Variants in ERC2 observed in about 807,000 individuals in gnomAD.
ERC2 encodes the protein ELKS/RAB6-interacting/CAST family member 2, also known as ERC protein 2.
A neutral mutation model predicts 114.8 loss-of-function variants in ERC2; 42 were observed. The ratio of observed to expected loss-of-function variants is 0.37; its 90% CI spans 0.29 to 0.47. The LOEUF is 0.47. ERC2 is among the 20% of genes least tolerant of loss of function. The pLI is 0.99. For synonymous variants in ERC2, 454 were observed against 425.5 expected, an observed-to-expected ratio of 1.07 and a Z score of -0.82; for missense variants, 939 against 1,150.7, an observed-to-expected ratio of 0.82 and a Z score of 2.66.
intron 4 of ERC2, among the ~76,000 whole-genome samples, chr3:56,155,339 T>C (rs1185974441): frequency 6.7e-6 from 1 of 149,976 alleles, no homozygotes; most frequent in Non-Finnish European, 1.5e-5. Context: ...AAGATCTCTC[T>C]CTTATTTTCT....
intron 6 of ERC2, among the ~76,000 whole-genome samples, chr3:56,091,089 C>T (rs891862023): frequency 6.6e-6 from 1 of 151,966 alleles, no homozygotes; most frequent in African/African-American, 2.4e-5. Flanking sequence ...CTTTAAAATT[C>T]GCTCTGGGTG....
chr3:56,037,136 C>G (rs188540204), intron 7 of ERC2, among the ~76,000 whole-genome samples: 1 of 152,248 alleles, frequency 6.6e-6, no homozygotes, highest in Admixed American at 6.5e-5. Flanking sequence ...ACCCAGAGTG[C>G]CTATTCTCCT....
In ERC2 at chr3:55,570,098, G is replaced by A. The variant is rs144980984; in HGVS notation, c.*40-58822C>T. On this transcript the variant is annotated intron_variant, in intron 17 of 17. Transcript: ENST00000288221. ...TGGTCTTGAACTTTTGATCTCAAGT[G>A]ATCTGCCTGCCTCCGCCTCCCAAAG... Among the ~76,000 whole-genome samples the A allele has an allele frequency of 2.3e-3, 344 of 152,124 alleles. 1 individual carries two copies. The highest frequency in any genetic ancestry group is 8.2e-3 in the African/African-American group (340 of 41,488).
At chr3:56,285,807 T>A (rs2054660545) in intron 3 of ERC2, among the ~76,000 whole-genome samples, 1 of 152,242 alleles carries the variant, frequency 6.6e-6, no homozygotes, top group Non-Finnish European at 1.5e-5. Flanking sequence ...GCCACATTTT[T>A]TAAAGCACTA....
chr3:55,516,055 C>A (rs555941248), intron 17 of ERC2, among the ~76,000 whole-genome samples: 43 of 152,284 alleles, frequency 2.8e-4, no homozygotes, highest in African/African-American at 9.6e-4. Flanking sequence ...AACAGACACC[C>A]ATTCACGACG....
intron 3 of ERC2, among the ~76,000 whole-genome samples, chr3:56,202,629 T>C (rs1419756438): frequency 2.0e-5 from 3 of 152,020 alleles, no homozygotes; most frequent in Non-Finnish European, 2.9e-5. Context: ...TGTGAAATGA[T>C]TGTCACAAGG....
At chr3:55,534,409 A>G (rs954411259) in intron 17 of ERC2, among the ~76,000 whole-genome samples, 2 of 151,472 alleles carry the variant, frequency 1.3e-5, no homozygotes, top group Non-Finnish European at 2.9e-5. Flanking sequence ...AAAAAAAAAA[A>G]AAGGCCAGGC....
At chr3:56,032,921 A>AGAGAGAGAGAC (rs1560056350) in intron 7 of ERC2, among the ~76,000 whole-genome samples, 30 of 80,800 alleles carry the variant, frequency 3.7e-4, no homozygotes, top group Admixed American at 1.1e-3. Context: ...GAAAGAAAGA[A>AGAGAGAGAGAC]AGAAAGAAAG....
chr3:55,564,422 A>C (rs2107494589), intron 17 of ERC2, among the ~76,000 whole-genome samples: 1 of 152,288 alleles, frequency 6.6e-6, no homozygotes, highest in Admixed American at 6.5e-5. Flanking sequence ...TAATTTAACC[A>C]GTTGTGAAAC....
chr3:56,060,132 T>C (rs1254201313), intron 7 of ERC2, among the ~76,000 whole-genome samples: 1 of 152,240 alleles, frequency 6.6e-6, no homozygotes, highest in African/African-American at 2.4e-5. Flanking sequence ...ATGAGTTCTA[T>C]CTCTACTACA....
At chr3:55,733,303 T>G (rs1285143471) in intron 15 of ERC2, among the ~76,000 whole-genome samples, 1 of 152,060 alleles carries the variant, frequency 6.6e-6, no homozygotes, top group Non-Finnish European at 1.5e-5. Context: ...GAGGCCAGCG[T>G]TAGCAAGGCA....
At chr3:55,646,253 A>G (rs928087283) in intron 17 of ERC2, among the ~76,000 whole-genome samples, 1 of 152,220 alleles carries the variant, frequency 6.6e-6, no homozygotes, top group African/African-American at 2.4e-5. Flanking sequence ...CTGTTCACGC[A>G]TTCCTTTCTG....
At chr3:56,340,761 C>T (rs566068800) in intron 2 of ERC2, among the ~76,000 whole-genome samples, 2 of 152,272 alleles carry the variant, frequency 1.3e-5, no homozygotes, top group South Asian at 4.2e-4. Flanking sequence ...ACTCAACAGA[C>T]ATCTTCCTTT....
rs191364090 is a variant in ERC2 at position 56,309,901 on chromosome 3, T to C, written c.658-13466A>G. On this transcript the variant is annotated intron_variant, in intron 2 of 17. Transcript: ENST00000288221. ...GGGCAGGGAAAAGAAACGGGCATAA[T>C]GAACATAAATCTTTGATTATCAAAT... is the stretch of plus-strand genomic sequence containing the variant. Among the ~76,000 whole-genome samples, 311 of 152,286 alleles carry C rather than the reference T, an allele frequency of 2.0e-3. 5 individuals are homozygous for C. Among genetic ancestry groups the C allele is most frequent in the South Asian group, 5.6e-3 (27 of 4,830 alleles).
chr3:56,273,176 G>C (rs1193349748), intron 3 of ERC2, among the ~76,000 whole-genome samples: 4 of 151,992 alleles, frequency 2.6e-5, no homozygotes, highest in Non-Finnish European at 5.9e-5. Context: ...CTGTATTTGG[G>C]AAGTACGGCA....
chr3:55,608,263 C>T (rs530355276), intron 17 of ERC2, among the ~76,000 whole-genome samples: 1 of 152,274 alleles, frequency 6.6e-6, no homozygotes, highest in South Asian at 2.1e-4. Context: ...GCAGAGCAAG[C>T]GGCGTTTTTA....
rs77882239 is a variant in ERC2, at chr3:56,409,885, C to T, written c.657+24466G>A. On this transcript the variant is annotated intron_variant, in intron 2 of 17. Transcript: ENST00000288221. ...CTGTGCTGTGGGCTTTCCACGCTATCTCATGTAGTCTTCACTAGAAAGTGC... is the reference window on the plus strand; with the variant it reads ...CTGTGCTGTGGGCTTTCCACGCTATTTCATGTAGTCTTCACTAGAAAGTGC... 1.0e-2 allele frequency among the ~76,000 whole-genome samples: 1,520 copies of T among 152,318 alleles called. 20 individuals are homozygous for T. Among genetic ancestry groups the T allele is most frequent in the African/African-American group, 0.035 (1,449 of 41,560 alleles).
intron 3 of ERC2, among the ~76,000 whole-genome samples, chr3:56,229,729 A>C (rs1191682134): frequency 2.0e-5 from 3 of 152,282 alleles, no homozygotes; most frequent in East Asian, 1.9e-4. Context: ...ATAATAAATG[A>C]AAAATGAGAG....
chr3:55,763,987 C>T (rs2067611192), intron 14 of ERC2, among the ~76,000 whole-genome samples: 1 of 152,212 alleles, frequency 6.6e-6, no homozygotes, highest in Non-Finnish European at 1.5e-5. Flanking sequence ...CACTAACTCT[C>T]ATGCAGACCT....
Sources: allele counts gnomAD v4.1 joint callset (sites outside exome capture counted in the v4.1 genomes callset), GRCh38; gene constraint gnomAD v4.1.1; transcripts MANE v1.5; gene names NCBI Gene and HGNC (gene_info 2026-07-23, HGNC 2026-07-21).